CADM2: variants seen among roughly 807,000 people sequenced by gnomAD.
The protein encoded by CADM2 is cell adhesion molecule 2.
A neutral mutation model predicts 49.8 loss-of-function variants in CADM2; 12 were observed. The observed-to-expected ratio is 0.24, with a 90% CI of 0.15 to 0.39. The LOEUF is 0.39. Ranked by LOEUF, CADM2 falls within the 10% of genes least tolerant of loss-of-function variation. The pLI, the probability that CADM2 is intolerant of heterozygous loss-of-function variation, is 1.00. For synonymous variants in CADM2, 214 were observed against 175.4 expected (o/e 1.22, Z -1.74); for missense variants, 378 against 492.3 (o/e 0.77, Z 2.20).
chr3:84,960,246 A>T (rs974119828), intron 1 of CADM2: 2 of 152,776 alleles, frequency 1.3e-5, no homozygotes, highest in Non-Finnish European at 2.9e-5. Context: ...CCGGGGGGGA[A>T]ATGTGTTCTG....
chr3:85,955,464 C>T (rs1307658882), intron 7 of CADM2, among the ~76,000 whole-genome samples: 1 of 151,232 alleles, frequency 6.6e-6, no homozygotes, highest in African/African-American at 2.4e-5. Flanking sequence ...GTTTTTTATT[C>T]CTGTTAGGAA....
chr3:85,499,466 TTGTGTG>T (rs1319824052), intron 1 of CADM2, among the ~76,000 whole-genome samples: 1 of 151,678 alleles, frequency 6.6e-6, no homozygotes, highest in Non-Finnish European at 1.5e-5. Context: ...TCGGCCACTG[TTGTGTG>T]TGTGTGACAA....
At chr3:85,087,103 A>C (rs2037409971) in intron 1 of CADM2, among the ~76,000 whole-genome samples, 1 of 152,170 alleles carries the variant, frequency 6.6e-6, no homozygotes, top group Non-Finnish European at 1.5e-5. Flanking sequence ...AGCAGCAGAA[A>C]GGTCAAAAAC....
intron 1 of CADM2, among the ~76,000 whole-genome samples, chr3:85,389,041 C>T (rs2034390155): frequency 6.6e-6 from 1 of 152,030 alleles, no homozygotes; most frequent in Non-Finnish European, 1.5e-5. Flanking sequence ...TTGTGGGTAT[C>T]TTATTGGGTT....
intron 1 of CADM2, among the ~76,000 whole-genome samples, chr3:85,650,179 G>T (rs933040005): frequency 6.6e-6 from 1 of 152,028 alleles, no homozygotes; most frequent in African/African-American, 2.4e-5. Context: ...GCTCTTCTTC[G>T]CCAAGCCACA....
At position 85,523,607 on chromosome 3, in the gene CADM2, T is replaced by TAA. The variant is rs150356350; in HGVS notation, c.62-202914_62-202913insAA. ...TGAAATTTTTTTCTGGAGCTTCAAT[T>TAA]ACAACAATCCTCAGTAAAAAAAGAA... On this transcript the variant is annotated intron_variant, in intron 1 of 9. Transcript: ENST00000383699. 9.4e-3 allele frequency among the ~76,000 whole-genome samples: 1,437 copies of TAA among 152,158 alleles called. 22 individuals carry two copies. The highest frequency in any genetic ancestry group is 0.031 in the African/African-American group (1,279 of 41,546).
chr3:86,002,820 G>A (rs1730344622), intron 8 of CADM2, among the ~76,000 whole-genome samples: 1 of 152,054 alleles, frequency 6.6e-6, no homozygotes, highest in Non-Finnish European at 1.5e-5. Flanking sequence ...GAAATTTTAT[G>A]GATACCTCGT....
chr3:85,883,313 G>A lies in CADM2; in HGVS notation c.261G>A (p.Glu87=). 1 of 1,612,886 alleles carries A rather than the reference G, an allele frequency of 6.2e-7. No individual in the cohort carries two copies. Among genetic ancestry groups the A allele is most frequent in the South Asian group, 1.1e-5 (1 of 90,908 alleles). Residue 87 remains glutamate, a synonymous_variant, in exon 4 of 10, where the codon GAG becomes GAA. Transcript: ENST00000383699. ...CAGCTTTAAGGGACAATAGGATCGA[G>A]CTGGTTCGCGCTTCCTGGCATGAAT... The part of the protein sequence containing the change: ...DKKALRDNRI[E]LVRASWHELS...
intron 5 of CADM2, among the ~76,000 whole-genome samples, chr3:85,904,261 G>T (rs1716500482): frequency 2.0e-5 from 3 of 152,154 alleles, no homozygotes; most frequent in Admixed American, 1.3e-4. Context: ...AGCTATTGGG[G>T]TCCCTTTATT....
intron 1 of CADM2, among the ~76,000 whole-genome samples, chr3:85,047,023 A>T (rs909114687): frequency 3.9e-5 from 6 of 152,176 alleles, no homozygotes; most frequent in African/African-American, 1.4e-4. Flanking sequence ...GTATTTTTAT[A>T]AGATGGAACC....
intron 1 of CADM2, among the ~76,000 whole-genome samples, chr3:85,339,473 A>G (rs1352040981): frequency 6.6e-6 from 1 of 151,550 alleles, no homozygotes; most frequent in Non-Finnish European, 1.5e-5. Context: ...GGTCTCCCAA[A>G]GAAATAAACT....
At chr3:85,972,975 C>A (rs895949407) in intron 8 of CADM2, among the ~76,000 whole-genome samples, 3 of 151,602 alleles carry the variant, frequency 2.0e-5, no homozygotes, top group African/African-American at 7.3e-5. Context: ...TGAAAACCTG[C>A]GTTTAGAATA....
chr3:85,080,095 A>G (rs961869587), intron 1 of CADM2, among the ~76,000 whole-genome samples: 1 of 152,026 alleles, frequency 6.6e-6, no homozygotes, highest in African/African-American at 2.4e-5. Flanking sequence ...GAAATCTCAG[A>G]AGGGATTTTA....
At chr3:85,750,100 G>T (rs1052347832) in intron 2 of CADM2, among the ~76,000 whole-genome samples, 10 of 152,010 alleles carry the variant, frequency 6.6e-5, no homozygotes, top group Admixed American at 3.3e-4. Flanking sequence ...AGTCTGAGAA[G>T]TTTATTGAAC....
At chr3:85,338,658 C>T (rs2045156846) in intron 1 of CADM2, among the ~76,000 whole-genome samples, 2 of 151,056 alleles carry the variant, frequency 1.3e-5, no homozygotes, top group Admixed American at 6.6e-5. Context: ...AGATTATTTC[C>T]CAAAGTCATG....
chr3:84,992,583 C>T (rs913519364), intron 1 of CADM2, among the ~76,000 whole-genome samples: 2 of 152,070 alleles, frequency 1.3e-5, no homozygotes, highest in East Asian at 1.9e-4. Flanking sequence ...GAGCCGAGAT[C>T]GCACCACTGC....
chr3:85,842,938 A>G lies in CADM2; in HGVS notation c.239-40353A>G, dbSNP rs548806345. ...AGATTAAAAATATTTAAAAAGATAC[A>G]CAATTGTGGACATGCATTCATATAA... On this transcript the variant is annotated intron_variant, in intron 3 of 9. Coordinates refer to ENST00000383699, the MANE Select transcript of CADM2 (RefSeq NM_001167675.2). 9.3e-4 allele frequency among the ~76,000 whole-genome samples: 141 copies of G among 152,246 alleles called. 1 individual carries two copies. Among genetic ancestry groups the G allele is most frequent in the African/African-American group, 3.3e-3 (137 of 41,562 alleles).
At chr3:85,076,475 G>A (rs1425648696) in intron 1 of CADM2, among the ~76,000 whole-genome samples, 1 of 151,872 alleles carries the variant, frequency 6.6e-6, no homozygotes, top group Non-Finnish European at 1.5e-5. Flanking sequence ...AGCCTCCTGA[G>A]TAGCTGGGAT....
At chr3:85,881,265 C>T (rs554227591) in intron 3 of CADM2, among the ~76,000 whole-genome samples, 43 of 151,822 alleles carry the variant, frequency 2.8e-4, no homozygotes, top group Non-Finnish European at 5.6e-4. Flanking sequence ...ATTTTTCATG[C>T]TAAGGTTTTC....
Sources: gnomAD v4.1 joint callset for allele counts (sites outside exome capture counted in the v4.1 genomes callset) on GRCh38, gnomAD v4.1.1 for gene constraint, MANE v1.5 for transcripts, NCBI Gene and HGNC (gene_info 2026-07-23, HGNC 2026-07-21) for gene names.